LAMA3: variants seen among roughly 807,000 people sequenced by gnomAD.
LAMA3 encodes laminin subunit alpha-3.
A neutral mutation model predicts 402.0 loss-of-function variants in LAMA3; 281 were observed. The ratio of observed to expected loss-of-function variants is 0.70; its 90% confidence interval spans 0.63 to 0.77. LAMA3 has a LOEUF of 0.77. LAMA3 is among the 30% of genes least tolerant of loss of function. The pLI, the probability that LAMA3 is intolerant of heterozygous loss-of-function variation, is 0.00. For synonymous variants in LAMA3, 1,431 were observed against 1,558.4 expected, an observed-to-expected ratio of 0.92 and a Z score of 1.93; for missense variants, 3,840 against 4,215.5, an observed-to-expected ratio of 0.91 and a Z score of 2.47.
intron 64 of LAMA3, among the ~76,000 whole-genome samples, chr18:23,929,005 A>G (rs1464171413): frequency 6.6e-6 from 1 of 152,168 alleles, no homozygotes; most frequent in Admixed American, 6.5e-5. Context: ...GTACTCGCGG[A>G]CTCATTTTTA....
At chr18:23,802,290 T>A (rs992694586) in intron 12 of LAMA3, among the ~76,000 whole-genome samples, 4 of 152,212 alleles carry the variant, frequency 2.6e-5, no homozygotes, top group African/African-American at 9.7e-5. Context: ...GTAACTACCT[T>A]CTTCTGCCAC....
At chr18:23,812,985 A>T in intron 13 of LAMA3, 72 bp from the exon 14 acceptor site, 2 of 1,070,076 alleles carry the variant, frequency 1.9e-6, no homozygotes, top group Non-Finnish European at 2.9e-6. Context: ...CAAAACGTTT[A>T]AAACTTGAAA....
chr18:23,854,551 G>A (rs2064020633), intron 32 of LAMA3, among the ~76,000 whole-genome samples: 1 of 151,996 alleles, frequency 6.6e-6, no homozygotes, highest in East Asian at 1.9e-4. Context: ...TGAGGCAGGA[G>A]AATGGCGTGA....
At chr18:23,937,689 C>A (rs1356980953) in intron 67 of LAMA3, among the ~76,000 whole-genome samples, 1 of 152,132 alleles carries the variant, frequency 6.6e-6, no homozygotes, top group African/African-American at 2.4e-5. Flanking sequence ...GGGAGCAAGG[C>A]CCACTGGTAT....
At chr18:23,699,119 G>A (rs1262424248) in intron 1 of LAMA3, among the ~76,000 whole-genome samples, 2 of 152,176 alleles carry the variant, frequency 1.3e-5, no homozygotes, top group East Asian at 1.9e-4. Context: ...TGAGGGTTGA[G>A]AGGAAGGCAG....
chr18:23,899,210 T>C, intron 46 of LAMA3, 78 bp from the exon 47 acceptor site: 2 of 1,374,196 alleles, frequency 1.5e-6, no homozygotes, highest in Non-Finnish European at 2.0e-6. Context: ...TCCATAGAAG[T>C]TTCTACCTTT....
At chr18:23,782,811 T>TC (rs917337093) in intron 11 of LAMA3, among the ~76,000 whole-genome samples, 3 of 151,308 alleles carry the variant, frequency 2.0e-5, no homozygotes, top group Non-Finnish European at 4.4e-5. Flanking sequence ...TTTTTTTTTT[T>TC]CATCTATAAA....
chr18:23,796,724 T>C (rs1162912231), intron 12 of LAMA3, among the ~76,000 whole-genome samples: 1 of 152,210 alleles, frequency 6.6e-6, no homozygotes, highest in Non-Finnish European at 1.5e-5. Context: ...TTAAAATTTT[T>C]AGATGGGATC....
At chr18:23,834,410 T>G (rs1041945053) in intron 24 of LAMA3, 1 of 178,490 alleles carries the variant, frequency 5.6e-6, no homozygotes. Flanking sequence ...CAACACACCT[T>G]CAGAACTGGG....
intron 6 of LAMA3, among the ~76,000 whole-genome samples, chr18:23,757,248 G>C (rs1392351079): frequency 6.6e-6 from 1 of 151,914 alleles, no homozygotes; most frequent in Non-Finnish European, 1.5e-5. Context: ...CCTGGGCCTC[G>C]CCTGGCTCAC....
At chr18:23,764,517 A>C (rs1363010357) in intron 8 of LAMA3, among the ~76,000 whole-genome samples, 2 of 151,914 alleles carry the variant, frequency 1.3e-5, no homozygotes, top group Non-Finnish European at 2.9e-5. Flanking sequence ...TCATTCTCTC[A>C]GTGATATTAT....
intron 27 of LAMA3, among the ~76,000 whole-genome samples, chr18:23,841,427 G>A (rs187087876): frequency 4.9e-4 from 74 of 152,298 alleles, no homozygotes; most frequent in African/African-American, 1.7e-3. Context: ...CGTTTTCATG[G>A]TGGGAGTGGA....
At chr18:23,937,016 G>A (rs1011097582) in intron 67 of LAMA3, among the ~76,000 whole-genome samples, 1 of 151,716 alleles carries the variant, frequency 6.6e-6, no homozygotes, top group East Asian at 1.9e-4. Context: ...TTTGGTGTAG[G>A]AAAGTTCTAG....
chr18:23,756,467 A>C, intron 6 of LAMA3, among the ~76,000 whole-genome samples: 1 of 102,710 alleles, frequency 9.7e-6, no homozygotes, highest in African/African-American at 3.8e-5. Context: ...CCCCCGCCAA[A>C]AAAAACCCAA....
At chr18:23,730,906 T>C (rs2061384002) in intron 2 of LAMA3, among the ~76,000 whole-genome samples, 1 of 152,184 alleles carries the variant, frequency 6.6e-6, no homozygotes, top group Admixed American at 6.5e-5. Flanking sequence ...AGAAGTATAG[T>C]GCAATTCTGC....
intron 64 of LAMA3, among the ~76,000 whole-genome samples, chr18:23,930,121 A>G (rs1323226243): frequency 6.6e-6 from 1 of 152,258 alleles, no homozygotes; most frequent in Non-Finnish European, 1.5e-5. Context: ...TTACCAAAGA[A>G]TCACATCTTG....
intron 65 of LAMA3, 62 bp downstream of exon 65, chr18:23,931,263 A>T: frequency 6.6e-7 from 1 of 1,522,626 alleles, no homozygotes; most frequent in Non-Finnish European, 9.1e-7. Flanking sequence ...CGTTTAATGG[A>T]ATTTTCTGGT....
chr18:23,690,158 G>T (rs2060554115), intron 1 of LAMA3, among the ~76,000 whole-genome samples, 181 bp downstream of exon 1: 1 of 152,176 alleles, frequency 6.6e-6, no homozygotes, highest in African/African-American at 2.4e-5. Flanking sequence ...TGGAAGCACC[G>T]CACCGGCACC....
chr18:23,758,711 A>G (rs1470137819), intron 7 of LAMA3, among the ~76,000 whole-genome samples, 200 bp downstream of exon 7: 1 of 152,270 alleles, frequency 6.6e-6, no homozygotes, highest in Non-Finnish European at 1.5e-5. Context: ...GAGAAGAAAA[A>G]GAACAATAAT....
Sources: allele counts gnomAD v4.1 joint callset (sites outside exome capture counted in the v4.1 genomes callset), GRCh38; gene constraint gnomAD v4.1.1; transcripts MANE v1.5; gene names NCBI Gene and HGNC (gene_info 2026-07-23, HGNC 2026-07-21).